Variants in MAGI1 observed in about 807,000 individuals in gnomAD.
MAGI1 encodes membrane-associated guanylate kinase, WW and PDZ domain-containing protein 1.
MAGI1 carries 58 observed loss-of-function variants against 139.9 expected under a neutral mutation model. That is an observed-to-expected ratio of 0.41 (90% CI 0.34 to 0.52). The LOEUF is 0.52. Among genes scored for constraint, MAGI1 ranks in the 20% least tolerant of loss-of-function variants. MAGI1 has a pLI of 0.12. For synonymous variants in MAGI1, 812 were observed against 737.9 expected (o/e 1.10, Z -1.63); for missense variants, 1,874 against 1,901.6 (o/e 0.99, Z 0.27).
chr3:66,009,362 T>A (rs1287670998), intron 1 of MAGI1, among the ~76,000 whole-genome samples: 1 of 151,902 alleles, frequency 6.6e-6, no homozygotes, highest in Non-Finnish European at 1.5e-5. Flanking sequence ...ATACAAAAAT[T>A]AGCCGGGCGT....
At chr3:65,664,303 T>C (rs1054610438) in intron 1 of MAGI1, among the ~76,000 whole-genome samples, 3 of 152,224 alleles carry the variant, frequency 2.0e-5, no homozygotes, top group Admixed American at 2.0e-4. Context: ...TCAGGTTTAC[T>C]GTCTCTGAGT....
chr3:65,951,068 GAAAGA>G (rs894660107), intron 1 of MAGI1, among the ~76,000 whole-genome samples: 5 of 147,072 alleles, frequency 3.4e-5, no homozygotes, highest in Non-Finnish European at 5.9e-5. Context: ...AGGTGGGAGG[GAAAGA>G]AAAGAAAAGA....
chr3:65,935,730 GA>G (rs936891771), intron 1 of MAGI1, among the ~76,000 whole-genome samples: 1 of 152,246 alleles, frequency 6.6e-6, no homozygotes, highest in Non-Finnish European at 1.5e-5. Context: ...GAGCTCTGAA[GA>G]AAGGGCCTCA....
At chr3:65,903,648 G>A (rs1321342952) in intron 1 of MAGI1, among the ~76,000 whole-genome samples, 1 of 152,140 alleles carries the variant, frequency 6.6e-6, no homozygotes, top group Non-Finnish European at 1.5e-5. Context: ...TTTTATCCTT[G>A]CCAGTCAGCT....
chr3:65,626,497 A>G (rs7635392), intron 1 of MAGI1, among the ~76,000 whole-genome samples: 6,946 of 152,052 alleles, frequency 0.046, 527 homozygotes, highest in African/African-American at 0.16. Context: ...GCTATTTTTT[A>G]AATTTTTGTA....
At chr3:65,921,156 T>C (rs530207983) in intron 1 of MAGI1, among the ~76,000 whole-genome samples, 10 of 152,174 alleles carry the variant, frequency 6.6e-5, no homozygotes, top group Non-Finnish European at 8.8e-5. Flanking sequence ...ACTTTTACTA[T>C]CATTTTAACC....
chr3:65,973,515 T>C (rs995734749), intron 1 of MAGI1, among the ~76,000 whole-genome samples: 14 of 152,186 alleles, frequency 9.2e-5, no homozygotes, highest in Non-Finnish European at 1.5e-4. Flanking sequence ...TAAGTGAATG[T>C]CTCCTAGCCA....
At chr3:65,781,302 T>A (rs536707709) in intron 1 of MAGI1, among the ~76,000 whole-genome samples, 1 of 152,228 alleles carries the variant, frequency 6.6e-6, no homozygotes, top group Non-Finnish European at 1.5e-5. Flanking sequence ...ACAAGATATC[T>A]GACAGCATTC....
At chr3:65,938,287 G>T (rs1419242350) in intron 1 of MAGI1, among the ~76,000 whole-genome samples, 1 of 147,764 alleles carries the variant, frequency 6.8e-6, no homozygotes, top group Admixed American at 6.8e-5. Context: ...AAATTAATAT[G>T]AATATTATAA....
At chr3:66,037,932 A>T in intron 1 of MAGI1, 64 bp downstream of exon 1, 1 of 1,510,938 alleles carries the variant, frequency 6.6e-7, no homozygotes, top group Non-Finnish European at 8.8e-7. Context: ...ATCGAGAATA[A>T]GGGGCAGCCC....
At chr3:65,421,552 CT>C (rs1946629773) in intron 12 of MAGI1, among the ~76,000 whole-genome samples, 1 of 152,142 alleles carries the variant, frequency 6.6e-6, no homozygotes, top group African/African-American at 2.4e-5. Context: ...TTGTAACTTG[CT>C]GATAGCTCAT....
intron 1 of MAGI1, among the ~76,000 whole-genome samples, chr3:65,768,294 C>T (rs1463704113): frequency 6.6e-6 from 1 of 152,062 alleles, no homozygotes; most frequent in South Asian, 2.1e-4. Context: ...GTGGTGCCCA[C>T]CTGTAGTCCC....
chr3:65,977,522 C>G lies in MAGI1; in HGVS notation c.313+60474G>C, dbSNP rs770417050. ...GGCCACAAGTTCACCACCAACCCGGCCAACATAGTGAAACCTCGTCTCTAC... is the reference window on the plus strand; with the variant it reads ...GGCCACAAGTTCACCACCAACCCGGGCAACATAGTGAAACCTCGTCTCTAC... On this transcript the variant is annotated intron_variant, in intron 1 of 22. Transcript: ENST00000402939. Among the ~76,000 whole-genome samples the G allele has an allele frequency of 1.1e-4, 16 of 152,098 alleles. 1 individual carries two copies. The highest frequency in any genetic ancestry group is 7.9e-4 in the Admixed American group (12 of 15,264).
chr3:65,829,306 C>T (rs1003689072), intron 1 of MAGI1, among the ~76,000 whole-genome samples: 1 of 152,152 alleles, frequency 6.6e-6, no homozygotes, highest in Non-Finnish European at 1.5e-5. Flanking sequence ...GTGCTATGGT[C>T]TGAATGTCAG....
chr3:65,790,019 T>C (rs933500773), intron 1 of MAGI1, among the ~76,000 whole-genome samples: 1 of 152,222 alleles, frequency 6.6e-6, no homozygotes, highest in African/African-American at 2.4e-5. Context: ...GTATTAAATG[T>C]ATTGCATGTC....
intron 1 of MAGI1, among the ~76,000 whole-genome samples, chr3:65,792,692 T>C (rs2039870004): frequency 6.6e-6 from 1 of 152,060 alleles, no homozygotes; most frequent in Non-Finnish European, 1.5e-5. Flanking sequence ...ATGGGTCCGA[T>C]GGACAATGGG....
At chr3:65,784,549 C>CA (rs1046008435) in intron 1 of MAGI1, among the ~76,000 whole-genome samples, 2 of 151,962 alleles carry the variant, frequency 1.3e-5, no homozygotes, top group Non-Finnish European at 2.9e-5. Flanking sequence ...ACTAAAAATA[C>CA]AAAAAATTAG....
At chr3:65,484,704 C>G (rs939192526) in intron 3 of MAGI1, among the ~76,000 whole-genome samples, 1 of 151,998 alleles carries the variant, frequency 6.6e-6, no homozygotes, top group Non-Finnish European at 1.5e-5. Context: ...AACTGTGCCC[C>G]CTTCCCCCAT....
chr3:65,530,642 T>G (rs1267351143), intron 2 of MAGI1, among the ~76,000 whole-genome samples: 1 of 129,914 alleles, frequency 7.7e-6, no homozygotes, highest in African/African-American at 3.9e-5. Context: ...TGTGTGTGTG[T>G]GTGTGTGTGT....
Sources: gnomAD v4.1 joint callset for allele counts (sites outside exome capture counted in the v4.1 genomes callset) on GRCh38, gnomAD v4.1.1 for gene constraint, MANE v1.5 for transcripts, NCBI Gene and HGNC (gene_info 2026-07-23, HGNC 2026-07-21) for gene names.